The following NCSTN variants were observed in gnomAD, a reference collection of about 807,000 sequenced individuals.
The protein encoded by NCSTN is anterior pharynx-defective 2.
In NCSTN, 22 loss-of-function variants were observed where a neutral mutation model predicts 87.0. The observed-to-expected ratio is 0.25, with a 90% CI of 0.18 to 0.36. The LOEUF is 0.36. Among genes scored for constraint, NCSTN ranks in the 10% least tolerant of loss-of-function variants. The pLI, the probability that NCSTN is intolerant of heterozygous loss-of-function variation, is 1.00. For synonymous variants in NCSTN, 306 were observed against 327.1 expected (o/e 0.94, Z 0.69); for missense variants, 693 against 883.3 (o/e 0.78, Z 2.73).
Position 160,343,954 on chromosome 1 carries a change from G to GTTTTT in NCSTN, c.85+491_85+495dup, listed in dbSNP as rs35301624. ...TCTGTGTCCCCCTGCCTTGCCTCAG[G>GTTTTT]TTTTTTTTTTTTTTTTTTTTTTAAT... On this transcript the variant is annotated intron_variant, in intron 1 of 16. Coordinates refer to ENST00000294785, the MANE Select transcript of NCSTN (RefSeq NM_015331.3). 549 of 152,328 alleles carry GTTTTT rather than the reference G, an allele frequency of 3.6e-3. 15 individuals are homozygous for GTTTTT. Among genetic ancestry groups the GTTTTT allele is most frequent in the African/African-American group, 0.011 (328 of 28,808 alleles). The allele number at this position is 152,328 out of a possible 1,614,324, so 9.4% of individuals were successfully genotyped here.
rs1432309918 is a variant in NCSTN, at chr1:160,345,310, A to T, written c.190+484A>T. 1.5e-5 allele frequency: 3 copies of T among 205,614 alleles called. No homozygotes were observed. In the South Asian group the frequency reaches 2.0e-4, roughly 14 times the overall value. The allele number at this position is 205,614 out of a possible 1,614,324, so 12.7% of individuals were successfully genotyped here. The stretch of plus-strand genomic sequence containing the variant: ...TAGGTTCAAGTGATTCTCCTGCCTC[A>T]GCCTCTTGAGTAGCTGGGATTACAT... On this transcript the variant is annotated intron_variant, in intron 2 of 16. Coordinates refer to ENST00000294785, the MANE Select transcript of NCSTN (RefSeq NM_015331.3).
intron 13 of NCSTN, 130 bp downstream of exon 13, chr1:160,356,088 A>G (rs1259524976): frequency 9.3e-7 from 1 of 1,075,650 alleles, no homozygotes; most frequent in Non-Finnish European, 1.4e-6. Flanking sequence ...CTCATGCCCC[A>G]GAGAGCTCTT....
Position 160,353,222 on chromosome 1 carries a change from G to A in NCSTN, c.1164G>A (p.Glu388=). 6 of 1,614,178 alleles carry A rather than the reference G, an allele frequency of 3.7e-6. No homozygotes were observed. Among genetic ancestry groups the A allele is most frequent in the African/African-American group, 1.3e-5 (1 of 75,030 alleles). The stretch of plus-strand genomic sequence containing the variant: ...CAGATCCTGTTTCTCAGAAAAATGA[G>A]TCTGTACGGAACCAGGTAACCTGAG... ...MHTDPVSQKN[E]SVRNQVEDLL... The change falls in exon 10 of 17, where the codon GAG becomes GAA. Residue 388 remains glutamate (E), a synonymous_variant. Coordinates refer to ENST00000294785, the MANE Select transcript of NCSTN (RefSeq NM_015331.3).
chr1:160,343,844 G>A (rs1262764179), intron 1 of NCSTN: 7 of 524,144 alleles, frequency 1.3e-5, no homozygotes. Flanking sequence ...GACTTTTTGA[G>A]ACGAAAGCAA....
intron 14 of NCSTN, 50 bp downstream of exon 14, chr1:160,356,397 GA>G (rs1649130927): frequency 6.6e-7 from 1 of 1,516,340 alleles, no homozygotes; most frequent in Non-Finnish European, 9.2e-7. Flanking sequence ...AAGGGATAGA[GA>G]AAAAGTCTTT....
In NCSTN at chr1:160,343,486, G is replaced by GGCCT. The variant is rs1411947786; in HGVS notation, c.85+6_85+9dup. On this transcript the variant is annotated splice_donor_region_variant and intron_variant, in intron 1 of 16. Transcript: ENST00000294785. ...CTTTCTGCGTCCTACTAGCAGGTGAGGCCTCCCCGCCCGTGAGCTCCGTTC... is the reference window on the plus strand; with the variant it reads ...CTTTCTGCGTCCTACTAGCAGGTGAGGCCTGCCTCCCCGCCCGTGAGCTCCGTTC... 3 of 1,603,822 alleles carry GGCCT rather than the reference G, an allele frequency of 1.9e-6. No homozygotes were observed. The Admixed American group carries it at 5.2e-5, about 28-fold the overall frequency.
At chr1:160,350,723 G>A (rs1363372527) in intron 5 of NCSTN, among the ~76,000 whole-genome samples, 1 of 150,532 alleles carries the variant, frequency 6.6e-6, no homozygotes, top group Non-Finnish European at 1.5e-5. Flanking sequence ...AAAAAAAAAA[G>A]CATTGGATTA....
intron 10 of NCSTN, 152 bp downstream of exon 10, chr1:160,353,389 G>T: frequency 6.5e-7 from 1 of 1,527,628 alleles, no homozygotes; most frequent in Non-Finnish European, 8.8e-7. Flanking sequence ...CACCACAGCT[G>T]TTGTTGCTGC....
At chr1:160,346,268 CACCTCTGAATTTCAGTTT>C (rs1648485399) in intron 2 of NCSTN, among the ~76,000 whole-genome samples, 1 of 152,176 alleles carries the variant, frequency 6.6e-6, no homozygotes, top group Admixed American at 6.5e-5. Flanking sequence ...TCAAATTGAT[CACCTCTGAATTTCAGTTT>C]ACCCCTGGAA....
intron 5 of NCSTN, 132 bp from the exon 6 acceptor site, chr1:160,351,090 C>T: frequency 1.1e-6 from 1 of 922,502 alleles, no homozygotes; most frequent in South Asian, 1.4e-5. Context: ...ATAACTATAG[C>T]TCAGGGATAA....
In NCSTN at chr1:160,349,133, G is replaced by T. The variant is rs753510277; in HGVS notation, c.314+11G>T. 6 of 1,614,122 alleles carry T rather than the reference G, an allele frequency of 3.7e-6. No individual in the cohort carries two copies. Among genetic ancestry groups the T allele is most frequent in the Non-Finnish European group, 5.1e-6 (6 of 1,179,974 alleles). On this transcript the variant is annotated intron_variant, in intron 3 of 16. Coordinates refer to ENST00000294785, the MANE Select transcript of NCSTN (RefSeq NM_015331.3). ...CAAGCATTTTACCAGGTAAGAACTA[G>T]ATGTATCTGCTGGGAAAACATCCAT...
rs1303170011 is a variant in NCSTN, at chr1:160,350,186, A to G, written c.518A>G (p.Tyr173Cys). Residue 173 changes from tyrosine (Y) to cysteine (C), a missense_variant, in exon 5 of 17, where the codon TAT (tyrosine) becomes TGT (cysteine). By Grantham distance (194) the Tyr-to-Cys change is radical. Transcript: ENST00000294785. ...AATTCGCTGGGCAATGGTTTGGCTT[A>G]TGAAGACTTTAGTTTCCCCATCTTT... ...QWNSLGNGLA[Y>C]EDFSFPIFLL... The G allele has an allele frequency of 5.0e-6, 8 of 1,614,096 alleles. No homozygotes were observed. The highest frequency in any genetic ancestry group is 1.1e-5 in the South Asian group (1 of 91,090).
At chr1:160,354,386 C>A in intron 11 of NCSTN, 96 bp downstream of exon 11, 1 of 1,324,546 alleles carries the variant, frequency 7.5e-7, no homozygotes. Context: ...TCCCACACTA[C>A]CCCCTCCAGA....
intron 1 of NCSTN, chr1:160,343,773 A>C (rs1169415175): frequency 3.1e-6 from 2 of 652,250 alleles, no homozygotes; most frequent in South Asian, 3.0e-5. Context: ...CCACAACCCC[A>C]GCCACCCACC....
At chr1:160,355,818 G>T (rs746011568) in intron 12 of NCSTN, 45 bp from the exon 13 acceptor site, 18 of 1,602,704 alleles carry the variant, frequency 1.1e-5, no homozygotes, top group Non-Finnish European at 1.4e-5. Flanking sequence ...TAGCATTTGA[G>T]GATAGGAGAG....
intron 10 of NCSTN, 44 bp from the exon 11 acceptor site, chr1:160,354,074 C>T (rs200868498): frequency 1.3e-6 from 2 of 1,593,090 alleles, no homozygotes; most frequent in Admixed American, 3.3e-5. Context: ...TCCTGCTTCC[C>T]ATCCCCCAGC....
At chr1:160,354,717 T>C (rs1649044891) in intron 11 of NCSTN, among the ~76,000 whole-genome samples, 1 of 152,186 alleles carries the variant, frequency 6.6e-6, no homozygotes, top group African/African-American at 2.4e-5. Flanking sequence ...AAATGTACCA[T>C]GTTCTTGCCA....
chr1:160,355,630 A>G (rs201641536), intron 11 of NCSTN, 25 bp from the exon 12 acceptor site: 13 of 1,553,698 alleles, frequency 8.4e-6, no homozygotes, highest in Non-Finnish European at 8.9e-6. Flanking sequence ...AATGTAGCCA[A>G]GGCTCATGCC....
At chr1:160,356,857 G>C in intron 15 of NCSTN, 103 bp downstream of exon 15, 1 of 1,493,146 alleles carries the variant, frequency 6.7e-7, no homozygotes. Flanking sequence ...GGATGGAGAG[G>C]TGGAGAGATG....
Sources: allele counts gnomAD v4.1 joint callset (sites outside exome capture counted in the v4.1 genomes callset), GRCh38; gene constraint gnomAD v4.1.1; transcripts MANE v1.5; gene names NCBI Gene and HGNC (gene_info 2026-07-23, HGNC 2026-07-21).